The following TP53BP1 variants were observed in gnomAD, a reference collection of about 807,000 sequenced individuals.
The protein encoded by TP53BP1 is TP53-binding protein 1.
In TP53BP1, 61 loss-of-function variants were observed where a neutral mutation model predicts 200.8. The observed-to-expected ratio is 0.30, with a 90% confidence interval of 0.25 to 0.38. The LOEUF is 0.38. Ranked by LOEUF, TP53BP1 falls within the 10% of genes least tolerant of loss-of-function variation. The pLI is 1.00. For missense variants in TP53BP1, 2,144 were observed against 2,371.9 expected (o/e 0.90, Z 2.00); for synonymous variants, 822 against 844.3 (o/e 0.97, Z 0.46).
chr15:43,479,589 C>T (rs1375974857), intron 6 of TP53BP1, 63 bp from the exon 7 acceptor site: 3 of 1,512,912 alleles, frequency 2.0e-6, no homozygotes, highest in African/African-American at 2.8e-5. Flanking sequence ...AGATACAGTC[C>T]CAGATGTTTT....
chr15:43,416,427 G>C lies in TP53BP1; in HGVS notation c.4682-11C>G, dbSNP rs2045267023. On this transcript the variant is annotated splice_polypyrimidine_tract_variant and intron_variant, in intron 21 of 27. Coordinates refer to ENST00000382044, the MANE Select transcript of TP53BP1 (RefSeq NM_001141980.3). ...GTCCTTTCACCACTCCTGGGGGGTGGAAAGCATAAAAGAAGCTTGCTGTTG... is the reference window on the plus strand; with the variant it reads ...GTCCTTTCACCACTCCTGGGGGGTGCAAAGCATAAAAGAAGCTTGCTGTTG... The C allele has an allele frequency of 1.9e-6, 3 of 1,611,994 alleles. No individual in the cohort carries two copies. The highest frequency in any genetic ancestry group is 1.3e-5 in the African/African-American group (1 of 74,806).
chr15:43,447,459 T>C lies in TP53BP1; in HGVS notation c.2743A>G (p.Lys915Glu). 1 of 1,497,858 alleles carries C rather than the reference T, an allele frequency of 6.7e-7. No homozygotes were observed. Among genetic ancestry groups the C allele is most frequent in the Non-Finnish European group, 8.9e-7 (1 of 1,128,376 alleles). The allele number at this position is 1,497,858 out of a possible 1,614,324, so 92.8% of individuals were successfully genotyped here. Residue 915 changes from lysine to glutamate, a missense_variant, in exon 13 of 28, where the codon AAA becomes GAA. Lys to Glu is a moderately conservative substitution (Grantham distance 56). This residue lies in a region of TP53BP1 where 1,700 missense variants were observed against 1,710.3 expected (regional missense o/e 0.99). Coordinates refer to ENST00000382044, the MANE Select transcript of TP53BP1 (RefSeq NM_001141980.3). ...SETPFHFTLPKEGDIIPPLTG... is the reference protein window; with the variant it reads ...SETPFHFTLPEEGDIIPPLTG... Reference sequence around the variant, plus strand: ...AATGGTGGGATGATATCACCTTCTTTAGGCAAAGTGAAATGAAATGGGGTT... The same window carrying C: ...AATGGTGGGATGATATCACCTTCTTCAGGCAAAGTGAAATGAAATGGGGTT...
chr15:43,429,970 A>C (rs1446698679), intron 17 of TP53BP1, among the ~76,000 whole-genome samples: 1 of 152,324 alleles, frequency 6.6e-6, no homozygotes, highest in Non-Finnish European at 1.5e-5. Context: ...TCCAGTTACA[A>C]CAGCCATATG....
intron 14 of TP53BP1, among the ~76,000 whole-genome samples, chr15:43,442,365 C>T (rs1322201923): frequency 6.6e-6 from 1 of 152,062 alleles, no homozygotes; most frequent in Non-Finnish European, 1.5e-5. Flanking sequence ...GGATTACAGG[C>T]AAGAGCCACT....
At chr15:43,440,435 G>A (rs1431213277) in intron 15 of TP53BP1, among the ~76,000 whole-genome samples, 3 of 151,296 alleles carry the variant, frequency 2.0e-5, no homozygotes, top group African/African-American at 7.3e-5. Flanking sequence ...GAATGGTGTG[G>A]ACCCGGGAGG....
intron 20 of TP53BP1, 136 bp from the exon 21 acceptor site, chr15:43,420,871 G>C: frequency 7.8e-7 from 1 of 1,283,412 alleles, no homozygotes; most frequent in Non-Finnish European, 1.1e-6. Flanking sequence ...CATGAGCCTG[G>C]TCTCTCTGTG....
At chr15:43,501,639 G>A (rs2079209979) in intron 1 of TP53BP1, among the ~76,000 whole-genome samples, 1 of 152,142 alleles carries the variant, frequency 6.6e-6, no homozygotes, top group Admixed American at 6.6e-5. Flanking sequence ...CATTCCACAA[G>A]GCAGTCATAT....
Position 43,407,992 on chromosome 15 carries a change from A to G in TP53BP1, c.5697T>C (p.Thr1899=). ...GCTGCTTCACAGAGGCTGCACCACC[A>G]GTCATGAGGATCTCAGACCAGAGCT... ...FLELWSEILM[T]GGAASVKQHH... Residue 1899 remains threonine (T), a synonymous_variant, in exon 27 of 28, where the codon ACT becomes ACC. Coordinates refer to ENST00000382044, the MANE Select transcript of TP53BP1 (RefSeq NM_001141980.3). The G allele has an allele frequency of 6.2e-7, 1 of 1,614,082 alleles. No homozygotes were observed.
rs748514034 is a variant in TP53BP1, at chr15:43,480,908, G to A, written c.486C>T (p.Ser162=). 1.2e-6 allele frequency: 2 copies of A among 1,614,052 alleles called. No homozygotes were observed. Among genetic ancestry groups the A allele is most frequent in the Non-Finnish European group, 8.5e-7 (1 of 1,179,984 alleles). The part of the protein sequence containing the change: ...EEDTSGNTTH[S]LGAEDTASSQ... Reference sequence around the variant, plus strand: ...GCACAAGGCTACCTTCAGCACCAAGGGAATGTGTAGTATTGCCTGAAGTAT... The same window carrying A: ...GCACAAGGCTACCTTCAGCACCAAGAGAATGTGTAGTATTGCCTGAAGTAT... Residue 162 remains serine, a synonymous_variant, in exon 5 of 28, where the codon TCC becomes TCT. Transcript: ENST00000382044.
intron 12 of TP53BP1, among the ~76,000 whole-genome samples, chr15:43,453,193 CA>C (rs34555611): frequency 5.3e-3 from 219 of 41,426 alleles, no homozygotes; most frequent in Middle Eastern, 0.033. Flanking sequence ...GACTCCGTCT[CA>C]AAAAAAAAAA....
intron 26 of TP53BP1, chr15:43,408,297 G>C (rs1303803854): frequency 1.9e-6 from 1 of 515,882 alleles, no homozygotes; most frequent in Non-Finnish European, 3.5e-6. Flanking sequence ...GGGCAATGTG[G>C]TGAGACCCCA....
At chr15:43,443,625 A>G (rs547822121) in intron 14 of TP53BP1, among the ~76,000 whole-genome samples, 1 of 152,216 alleles carries the variant, frequency 6.6e-6, no homozygotes, top group Non-Finnish European at 1.5e-5. Flanking sequence ...AGCCTGGGAG[A>G]TGGAGGCTGC....
chr15:43,445,592 ACT>A (rs909081040), intron 14 of TP53BP1, among the ~76,000 whole-genome samples: 2 of 151,970 alleles, frequency 1.3e-5, no homozygotes, highest in African/African-American at 4.8e-5. Context: ...AACCTCTCTT[ACT>A]CTGTTTTCTC....
At chr15:43,427,049 G>A (rs923577456) in intron 18 of TP53BP1, among the ~76,000 whole-genome samples, 1 of 150,022 alleles carries the variant, frequency 6.7e-6, no homozygotes, top group Non-Finnish European at 1.5e-5. Flanking sequence ...AAATAGCTGT[G>A]CCTCTTACCA....
chr15:43,463,246 T>G (rs1241097965), intron 11 of TP53BP1, among the ~76,000 whole-genome samples: 1 of 152,056 alleles, frequency 6.6e-6, no homozygotes, highest in Non-Finnish European at 1.5e-5. Flanking sequence ...CCTCTCCCCA[T>G]CCCTCATATC....
upstream of TP53BP1, chr15:43,497,554 C>T (rs2079188646): frequency 2.0e-5 from 11 of 563,230 alleles, no homozygotes; most frequent in Non-Finnish European, 2.3e-5. Context: ...GAATAAAAAT[C>T]GAGAGTGATA....
chr15:43,404,368 T>C lies in TP53BP1; in HGVS notation c.*3015A>G. 1.2e-6 allele frequency: 2 copies of C among 1,610,876 alleles called. No individual in the cohort carries two copies. Among genetic ancestry groups the C allele is most frequent in the Non-Finnish European group, 1.7e-6 (2 of 1,178,082 alleles). ...CCGCCCCCATCCTCCATATGGAGAG[T>C]TGGTGAGCTGAAGTGGAATGACAGC... is the stretch of plus-strand genomic sequence containing the variant. On this transcript the variant is annotated 3_prime_UTR_variant, in exon 28 of 28. Transcript: ENST00000382044.
At chr15:43,502,202 A>C (rs2079212755) in intron 1 of TP53BP1, among the ~76,000 whole-genome samples, 1 of 152,104 alleles carries the variant, frequency 6.6e-6, no homozygotes, top group Non-Finnish European at 1.5e-5. Context: ...ACCAGCCTGT[A>C]GTACCAGCTA....
intron 26 of TP53BP1, 78 bp downstream of exon 26, chr15:43,408,819 C>G (rs1436588393): frequency 7.0e-7 from 1 of 1,432,400 alleles, no homozygotes; most frequent in Non-Finnish European, 9.8e-7. Context: ...AAGCTTTACT[C>G]TCTCACCTAG....
Sources: allele counts gnomAD v4.1 joint callset (sites outside exome capture counted in the v4.1 genomes callset), GRCh38; gene constraint gnomAD v4.1.1; regional missense constraint gnomAD v4.1.1; transcripts MANE v1.5; gene names NCBI Gene and HGNC (gene_info 2026-07-23, HGNC 2026-07-21).